The following RSF1 variants were observed in gnomAD, a reference collection of about 807,000 sequenced individuals.
The protein encoded by RSF1 is HBV pX-associated protein 8.
In RSF1, 13 loss-of-function variants were observed where a neutral mutation model predicts 145.2. The observed-to-expected ratio is 0.09, with a 90% CI of 0.06 to 0.14. RSF1 has a LOEUF of 0.14. Ranked by LOEUF, RSF1 falls within the 10% of genes least tolerant of loss-of-function variation. The pLI is 1.00. For missense variants in RSF1, 1,517 were observed against 1,718.2 expected, an observed-to-expected ratio of 0.88 and a Z score of 2.07; for synonymous variants, 577 against 592.6, an observed-to-expected ratio of 0.97 and a Z score of 0.38.
chr11:77,750,813 C>T (rs1378290554), intron 2 of RSF1, among the ~76,000 whole-genome samples: 1 of 152,176 alleles, frequency 6.6e-6, no homozygotes, highest in African/African-American at 2.4e-5. Flanking sequence ...TACCTATTAT[C>T]ACCATAAATC....
At position 77,820,665 on chromosome 11, in the gene RSF1, G is replaced by A; in HGVS notation, c.50C>T (p.Pro17Leu). ...AAAVMAPPGC[P>L]GSCPNFAVVC... ...TACGGCGAAGTTGGGGCACGAACCC[G>A]GGCAGCCCGGAGGAGCCATCACCGC... Residue 17 changes from proline (P) to leucine (L), a missense_variant, in exon 1 of 16, where the codon CCG (proline) becomes CTG (leucine). By Grantham distance (98) the Pro-to-Leu change is moderately conservative. This residue lies in a region of RSF1 where 85 missense variants were observed against 91.8 expected (regional missense o/e 0.93). Transcript: ENST00000308488. 1.9e-6 allele frequency: 3 copies of A among 1,557,194 alleles called. No individual in the cohort carries two copies. Among genetic ancestry groups the A allele is most frequent in the Non-Finnish European group, 2.6e-6 (3 of 1,151,886 alleles).
chr11:77,766,964 A>G (rs1948232821), intron 1 of RSF1, among the ~76,000 whole-genome samples: 1 of 152,200 alleles, frequency 6.6e-6, no homozygotes, highest in Non-Finnish European at 1.5e-5. Flanking sequence ...CAGATCTGAG[A>G]AATGTTTAGG....
chr11:77,821,998 A>G (rs1402948771), upstream of RSF1, among the ~76,000 whole-genome samples: 1 of 152,212 alleles, frequency 6.6e-6, no homozygotes, highest in East Asian at 1.9e-4. Flanking sequence ...ACAGTGCCGT[A>G]GCACATAGTG....
chr11:77,871,213 A>T, the RSF1 span, among the ~76,000 whole-genome samples: 1 of 152,222 alleles, frequency 6.6e-6, no homozygotes, highest in Non-Finnish European at 1.5e-5. Flanking sequence ...AGGGCATATT[A>T]AAAAATATTT....
At chr11:77,672,768 C>T (rs1959591322) in intron 14 of RSF1, among the ~76,000 whole-genome samples, 2 of 152,122 alleles carry the variant, frequency 1.3e-5, no homozygotes, top group African/African-American at 4.8e-5. Context: ...CTGCAAACTC[C>T]ACTTCCCGGG....
At chr11:77,756,557 A>G (rs1351563339) in intron 2 of RSF1, among the ~76,000 whole-genome samples, 1 of 152,166 alleles carries the variant, frequency 6.6e-6, no homozygotes, top group Admixed American at 6.5e-5. Context: ...ACGCTCGGAT[A>G]CCATGGTGAA....
chr11:77,717,152 T>C (rs1182408184), intron 5 of RSF1, among the ~76,000 whole-genome samples: 1 of 107,298 alleles, frequency 9.3e-6, no homozygotes, highest in African/African-American at 4.3e-5. Context: ...TACCCCAGCA[T>C]GGGCAAAAAA....
At chr11:77,693,073 A>G (rs1180446153) in intron 8 of RSF1, among the ~76,000 whole-genome samples, 1 of 152,196 alleles carries the variant, frequency 6.6e-6, no homozygotes, top group African/African-American at 2.4e-5. Context: ...TCAGTTTCTA[A>G]AAGAAATTTG....
rs1960401093 is a variant in RSF1 at position 77,700,795 on chromosome 11, T to C, written c.2434A>G (p.Thr812Ala). 1 of 1,609,960 alleles carries C rather than the reference T, an allele frequency of 6.2e-7. No individual in the cohort carries two copies. Among genetic ancestry groups the C allele is most frequent in the Admixed American group, 1.7e-5 (1 of 59,394 alleles). ...TTTTTGTCAGTTTTTTGCAAAGCTG[T>C]TGACTCTTCTTCCACCTCATCTTCT... is the stretch of plus-strand genomic sequence containing the variant. ...EGEDEVEEES[T>A]ALQKTDKKEI... Residue 812 changes from threonine (T) to alanine (A), a missense_variant, in exon 6 of 16, where the codon ACA becomes GCA. By Grantham distance (58) the Thr-to-Ala change is moderately conservative. Around this residue, in one of 12 missense-constraint regions of RSF1, gnomAD observed 579 missense variants for 553.5 expected, o/e 1.05. Transcript: ENST00000308488.
At chr11:77,829,485 C>T in the RSF1 span, among the ~76,000 whole-genome samples, 1 of 152,138 alleles carries the variant, frequency 6.6e-6, no homozygotes, top group Non-Finnish European at 1.5e-5. Context: ...TTAAAATAAA[C>T]ATACCAAGAC....
Position 77,813,505 on chromosome 11 carries a change from T to C in RSF1, c.187+7023A>G. The C allele has an allele frequency of 9.2e-6, 8 of 866,128 alleles. No homozygotes were observed. In the South Asian group the frequency reaches 1.1e-4, roughly 11 times the overall value. 53.7% of individuals were successfully genotyped at this position (866,128 alleles called of 1,614,324 possible). ...TCTGTAGTGATTCTCAAAGTCTTGG[T>C]AGGTATTCGAACTGGTCCTTTCACT... On this transcript the variant is annotated intron_variant, in intron 1 of 15. Transcript: ENST00000308488.
At chr11:77,705,386 G>T (rs545110914) in intron 5 of RSF1, among the ~76,000 whole-genome samples, 24 of 152,238 alleles carry the variant, frequency 1.6e-4, no homozygotes, top group African/African-American at 5.8e-4. Context: ...GGTTTTTAAA[G>T]GTGATTCATT....
rs550508950 is a variant in RSF1 at position 77,809,020 on chromosome 11, C to T, written c.187+11508G>A. Among the ~76,000 whole-genome samples, 18 of 152,286 alleles carry T rather than the reference C, an allele frequency of 1.2e-4. No individual in the cohort carries two copies. In the East Asian group the frequency reaches 2.7e-3, roughly 23 times the overall value. On this transcript the variant is annotated intron_variant, in intron 1 of 15. Coordinates refer to ENST00000308488, the MANE Select transcript of RSF1 (RefSeq NM_016578.4). Reference sequence around the variant, plus strand: ...CACTACAATCATTTTAAGAGCATACCTGTGGGGACAAAACACTGGTTAAGA... The same window carrying T: ...CACTACAATCATTTTAAGAGCATACTTGTGGGGACAAAACACTGGTTAAGA...
chr11:77,740,181 G>A (rs1247040334), intron 4 of RSF1, among the ~76,000 whole-genome samples: 1 of 152,116 alleles, frequency 6.6e-6, no homozygotes, highest in African/African-American at 2.4e-5. Context: ...TTCAAGACCA[G>A]CCTGACCAAC....
At chr11:77,849,223 AT>A in the RSF1 span, among the ~76,000 whole-genome samples, 395 of 150,992 alleles carry the variant, frequency 2.6e-3, 1 homozygote, top group Non-Finnish European at 2.9e-3. Flanking sequence ...TTTTATTTTT[AT>A]TTTTATTATT....
chr11:77,825,722 C>T (rs1394374618), upstream of RSF1, among the ~76,000 whole-genome samples: 4 of 148,846 alleles, frequency 2.7e-5, no homozygotes, highest in African/African-American at 9.9e-5. Context: ...GAGTCAGTCT[C>T]ACTCTGTCGC....
rs773993948 is a variant in RSF1, at chr11:77,764,536, T to C, written c.279+62A>G. 3.7e-5 allele frequency: 35 copies of C among 937,076 alleles called. 1 individual carries two copies. The East Asian group carries it at 8.3e-4, about 22-fold the overall frequency. The allele number at this position is 937,076 out of a possible 1,614,324, so 58.0% of individuals were successfully genotyped here. ...AAATTATGTGTATTATAAAACATAATATCAATTTATGCTAGAGTAATATTT... is the reference window on the plus strand; with the variant it reads ...AAATTATGTGTATTATAAAACATAACATCAATTTATGCTAGAGTAATATTT... On this transcript the variant is annotated intron_variant, in intron 2 of 15. Coordinates refer to ENST00000308488, the MANE Select transcript of RSF1 (RefSeq NM_016578.4).
chr11:77,722,879 G>A (rs897822788), intron 5 of RSF1, among the ~76,000 whole-genome samples: 1 of 152,110 alleles, frequency 6.6e-6, no homozygotes, highest in African/African-American at 2.4e-5. Flanking sequence ...AGTTTGTTCT[G>A]TTTTTCTTTC....
intron 5 of RSF1, among the ~76,000 whole-genome samples, chr11:77,719,057 G>A (rs1386654357): frequency 2.6e-5 from 4 of 152,006 alleles, no homozygotes; most frequent in Non-Finnish European, 5.9e-5. Flanking sequence ...GACCAGATGG[G>A]GCAACATAGT....
Sources: allele counts gnomAD v4.1 joint callset (sites outside exome capture counted in the v4.1 genomes callset), GRCh38; gene constraint gnomAD v4.1.1; regional missense constraint gnomAD v4.1.1; transcripts MANE v1.5; gene names NCBI Gene and HGNC (gene_info 2026-07-23, HGNC 2026-07-21).